Variants in C12orf50 observed in about 807,000 individuals in gnomAD.
C12orf50 encodes the protein zinc finger CCCH-type containing 11D.
C12orf50 carries 35 observed loss-of-function variants against 61.6 expected under a neutral mutation model. That is an observed-to-expected ratio of 0.57 (90% CI 0.43 to 0.75). The LOEUF is 0.75. Among genes scored for constraint, C12orf50 ranks in the 30% least tolerant of loss-of-function variants. The pLI is 0.00. For synonymous variants in C12orf50, 178 were observed against 161.5 expected (o/e 1.10, Z -0.77); for missense variants, 475 against 488.5 (o/e 0.97, Z 0.26).
intron 3 of C12orf50, among the ~76,000 whole-genome samples, chr12:87,998,592 C>T (rs556179634): frequency 6.8e-4 from 104 of 152,120 alleles, no homozygotes; most frequent in Non-Finnish European, 1.3e-3. Flanking sequence ...TTTGGTATGG[C>T]AATATTTTCC....
rs879942221 is a variant in C12orf50 at position 87,980,045 on chromosome 12, C to G, written c.*286G>C. On this transcript the variant is annotated 3_prime_UTR_variant, in exon 13 of 13. Transcript: ENST00000298699. ...ACAATTAAAGAATGATTTTAATTGTCAAACTTTTAAATTTTATTAAAATGT... is the reference window on the plus strand; with the variant it reads ...ACAATTAAAGAATGATTTTAATTGTGAAACTTTTAAATTTTATTAAAATGT... 23 of 378,030 alleles carry G rather than the reference C, an allele frequency of 6.1e-5. No individual in the cohort carries two copies. Among genetic ancestry groups the G allele is most frequent in the Non-Finnish European group, 8.9e-5 (19 of 213,552 alleles). 23.4% of individuals were successfully genotyped at this position (378,030 alleles called of 1,614,324 possible).
At chr12:87,985,823 G>A (rs766547255) in intron 11 of C12orf50, 27 bp downstream of exon 11, 32 of 1,609,416 alleles carry the variant, frequency 2.0e-5, no homozygotes, top group Non-Finnish European at 2.4e-5. Flanking sequence ...ACAGACAAGA[G>A]TAAACCACAT....
intron 3 of C12orf50, among the ~76,000 whole-genome samples, chr12:88,006,914 T>C (rs1053946121): frequency 1.6e-4 from 25 of 152,218 alleles, no homozygotes; most frequent in African/African-American, 6.0e-4. Context: ...CCAATACAAC[T>C]GACTTGCCAT....
chr12:87,995,384 A>G (rs893620196), intron 6 of C12orf50, among the ~76,000 whole-genome samples: 5 of 152,138 alleles, frequency 3.3e-5, no homozygotes, highest in Non-Finnish European at 7.4e-5. Flanking sequence ...TCTGATTTTT[A>G]TATTTATACT....
At chr12:88,029,954 G>C (rs763928659), upstream of C12orf50, among the ~76,000 whole-genome samples, 1 of 152,152 alleles carries the variant, frequency 6.6e-6, no homozygotes, top group Non-Finnish European at 1.5e-5. Flanking sequence ...CAGAGTGCTT[G>C]AAGGCTTTGA....
chr12:88,005,912 GTTTTTTTT>G (rs371924944), intron 3 of C12orf50, among the ~76,000 whole-genome samples: 8 of 91,032 alleles, frequency 8.8e-5, no homozygotes, highest in Non-Finnish European at 1.3e-4. Context: ...TGTTTTTTTG[GTTTTTTTT>G]TTTTTTTTTT....
chr12:87,983,755 G>A (rs2030651236), intron 11 of C12orf50: 1 of 147,132 alleles, frequency 6.8e-6, no homozygotes, highest in African/African-American at 2.4e-5. Flanking sequence ...ATTCCATGGT[G>A]TATATGTGCC....
intron 3 of C12orf50, among the ~76,000 whole-genome samples, chr12:88,013,368 A>G (rs1470528273): frequency 1.3e-5 from 2 of 152,170 alleles, no homozygotes; most frequent in Non-Finnish European, 2.9e-5. Flanking sequence ...TATACGTACT[A>G]AATTTTGAGG....
intron 3 of C12orf50, among the ~76,000 whole-genome samples, chr12:88,025,041 T>C (rs2032650669): frequency 6.6e-6 from 1 of 152,052 alleles, no homozygotes; most frequent in South Asian, 2.1e-4. Flanking sequence ...AGAGAATTAT[T>C]GCAACGGGAA....
chr12:87,988,024 C>G, intron 8 of C12orf50, 58 bp from the exon 9 acceptor site: 12 of 1,124,692 alleles, frequency 1.1e-5, no homozygotes, highest in Non-Finnish European at 1.6e-5. Context: ...AAAAGCATTT[C>G]AGTTGTTATT....
intron 3 of C12orf50, among the ~76,000 whole-genome samples, chr12:88,011,387 T>C (rs2032104359): frequency 6.6e-6 from 1 of 152,142 alleles, no homozygotes; most frequent in South Asian, 2.1e-4. Context: ...AGGACTTACT[T>C]CTTCTGAGAT....
intron 10 of C12orf50, 89 bp downstream of exon 10, chr12:87,986,223 C>T: frequency 8.1e-7 from 1 of 1,229,756 alleles, no homozygotes. Context: ...CGTCACATGA[C>T]AGTAATTTGT....
intron 3 of C12orf50, among the ~76,000 whole-genome samples, chr12:88,019,742 A>C (rs2032446491): frequency 2.0e-5 from 3 of 152,142 alleles, no homozygotes; most frequent in Admixed American, 2.0e-4. Flanking sequence ...AAAAACAAAG[A>C]AACCAAGTTT....
intron 3 of C12orf50, among the ~76,000 whole-genome samples, chr12:88,018,677 A>G (rs2136484553): frequency 6.6e-6 from 1 of 152,346 alleles, no homozygotes; most frequent in Middle Eastern, 3.4e-3. Flanking sequence ...TACCCTGCAA[A>G]GCCACAGGGG....
rs185828995 is a variant in C12orf50, at chr12:88,011,007, A to G, written c.134-12817T>C. On this transcript the variant is annotated intron_variant, in intron 3 of 12. Transcript: ENST00000298699. The stretch of plus-strand genomic sequence containing the variant: ...AACTACTATAATGTACTTTACATGA[A>G]TTTACACATAGATAATTTTTGTCAC... Among the ~76,000 whole-genome samples, 435 of 152,252 alleles carry G rather than the reference A, an allele frequency of 2.9e-3. 3 individuals carry two copies. The highest frequency in any genetic ancestry group is 4.5e-3 in the Non-Finnish European group (306 of 67,976).
At chr12:88,021,582 G>A (rs1241809350) in intron 3 of C12orf50, among the ~76,000 whole-genome samples, 2 of 152,000 alleles carry the variant, frequency 1.3e-5, no homozygotes, top group South Asian at 2.1e-4. Context: ...AGGTTGCAGT[G>A]AGCCAAGATC....
chr12:87,999,328 G>A (rs766566101), intron 3 of C12orf50, among the ~76,000 whole-genome samples: 28 of 152,306 alleles, frequency 1.8e-4, no homozygotes, highest in Admixed American at 3.9e-4. Flanking sequence ...AGGAGGCTGA[G>A]GTGGAAGCAT....
At chr12:87,986,539 T>A (rs2030835997) in intron 9 of C12orf50, 123 bp from the exon 10 acceptor site, 1 of 540,096 alleles carries the variant, frequency 1.9e-6, no homozygotes, top group Non-Finnish European at 3.0e-6. Context: ...AAATGCACCA[T>A]CCTAACACTT....
At chr12:88,028,619 G>A (rs560326981) in intron 1 of C12orf50, among the ~76,000 whole-genome samples, 1 of 151,928 alleles carries the variant, frequency 6.6e-6, no homozygotes, top group Non-Finnish European at 1.5e-5. Context: ...CAGTAATTGG[G>A]TTAATAAATT....
Sources: gnomAD v4.1 joint callset for allele counts (sites outside exome capture counted in the v4.1 genomes callset) on GRCh38, gnomAD v4.1.1 for gene constraint, MANE v1.5 for transcripts, NCBI Gene and HGNC (gene_info 2026-07-23, HGNC 2026-07-21) for gene names.